Variants in MID2 observed in about 807,000 individuals in gnomAD.
MID2 encodes the protein midline 2, also known as probable E3 ubiquitin-protein ligase MID2.
Under a neutral mutation model 46.1 loss-of-function variants are expected in MID2, and 13 were observed. The ratio of observed to expected loss-of-function variants is 0.28; its 90% CI spans 0.18 to 0.45. The LOEUF is 0.45. Ranked by LOEUF, MID2 falls within the 20% of genes least tolerant of loss-of-function variation. MID2 has a pLI of 1.00. For missense variants in MID2, 431 were observed against 575.4 expected (o/e 0.75, Z 2.57); for synonymous variants, 199 against 212.3 (o/e 0.94, Z 0.55).
intron 3 of MID2, among the ~76,000 whole-genome samples, chrX:107,885,038 G>A (rs1051157645): frequency 1.8e-5 from 2 of 110,997 alleles, no homozygotes; most frequent in Non-Finnish European, 1.9e-5. Flanking sequence ...CCAGATTTTT[G>A]GAATTTCCCA....
At chrX:107,921,089 C>T (rs1933062512) in intron 7 of MID2, among the ~76,000 whole-genome samples, 1 of 111,649 alleles carries the variant, frequency 9.0e-6, no homozygotes, top group African/African-American at 3.2e-5. Flanking sequence ...CAATATTGTC[C>T]TTTATAGTTT....
At chrX:107,859,946 G>A (rs1455092831) in intron 3 of MID2, among the ~76,000 whole-genome samples, 4 of 111,935 alleles carry the variant, frequency 3.6e-5, no homozygotes, top group African/African-American at 6.5e-5. Flanking sequence ...ATGTATAGGT[G>A]TTTAGACTTT....
At chrX:107,906,870 G>A (rs188067481) in intron 5 of MID2, among the ~76,000 whole-genome samples, 163 of 112,684 alleles carry the variant, frequency 1.4e-3, no homozygotes, top group African/African-American at 5.1e-3. Flanking sequence ...ACAGGCGTGA[G>A]CCACTGCCCT....
chrX:107,879,062 GC>G (rs1569466496), intron 3 of MID2, among the ~76,000 whole-genome samples: 1 of 111,199 alleles, frequency 9.0e-6, no homozygotes, highest in Non-Finnish European at 1.9e-5. Flanking sequence ...GCTTTTGGGT[GC>G]TGGCAGGAGC....
intron 3 of MID2, among the ~76,000 whole-genome samples, chrX:107,897,294 C>T (rs925576298): frequency 9.9e-5 from 11 of 111,554 alleles, no homozygotes; most frequent in Admixed American, 9.6e-4. Flanking sequence ...TAATCCCTCA[C>T]CCCTTCCCTG....
intron 2 of MID2, among the ~76,000 whole-genome samples, chrX:107,853,509 A>T (rs1931676010): frequency 9.0e-6 from 1 of 110,731 alleles, no homozygotes; most frequent in African/African-American, 3.3e-5. Context: ...TGTGCTGCCC[A>T]AGCTGGTCTT....
intron 3 of MID2, among the ~76,000 whole-genome samples, chrX:107,857,349 C>T (rs1278965572): frequency 2.8e-5 from 3 of 107,319 alleles, no homozygotes; most frequent in East Asian, 2.9e-4. Context: ...GGCACAATCT[C>T]GGCTCACTGC....
chrX:107,893,164 CAG>C (rs1932640446), intron 3 of MID2, among the ~76,000 whole-genome samples: 1 of 112,390 alleles, frequency 8.9e-6, no homozygotes, highest in Non-Finnish European at 1.9e-5. Context: ...TTCTGAAAAA[CAG>C]TGCTATTATT....
intron 3 of MID2, among the ~76,000 whole-genome samples, chrX:107,884,002 A>G (rs1449652628): frequency 2.7e-5 from 3 of 112,772 alleles, no homozygotes; most frequent in African/African-American, 6.4e-5. Context: ...GATTAGATTA[A>G]GAAGAATGAT....
At chrX:107,851,679 C>A (rs1182743753) in intron 2 of MID2, among the ~76,000 whole-genome samples, 1 of 109,895 alleles carries the variant, frequency 9.1e-6, no homozygotes, top group African/African-American at 3.3e-5. Flanking sequence ...ACAACAACAA[C>A]AAAAACAAAC....
At chrX:107,852,117 C>G (rs1276283032) in intron 2 of MID2, among the ~76,000 whole-genome samples, 3 of 111,437 alleles carry the variant, frequency 2.7e-5, no homozygotes, top group Non-Finnish European at 5.6e-5. Context: ...GTCTTGAACT[C>G]CTGACCTCAG....
At chrX:107,900,517 C>T (rs1932786750) in intron 3 of MID2, among the ~76,000 whole-genome samples, 1 of 111,246 alleles carries the variant, frequency 9.0e-6, no homozygotes, top group Admixed American at 9.6e-5. Context: ...CTCAGGTTTA[C>T]TATTACCCTC....
At chrX:107,912,126 C>T (rs1457177023) in intron 5 of MID2, among the ~76,000 whole-genome samples, 3 of 111,645 alleles carry the variant, frequency 2.7e-5, no homozygotes, top group African/African-American at 9.8e-5. Context: ...GCTTCCTGAT[C>T]TAGCTTTCTC....
At chrX:107,884,833 C>T (rs781680863) in intron 3 of MID2, among the ~76,000 whole-genome samples, 125 of 111,476 alleles carry the variant, frequency 1.1e-3, no homozygotes, top group Non-Finnish European at 1.1e-3. Context: ...CTCTCTAGAT[C>T]TCAGTTTCCT....
At chrX:107,905,324 T>C (rs1932826701) in intron 4 of MID2, among the ~76,000 whole-genome samples, 154 bp from the exon 5 acceptor site, 1 of 110,819 alleles carries the variant, frequency 9.0e-6, no homozygotes, top group Non-Finnish European at 1.9e-5. Flanking sequence ...GTGGGTAGGG[T>C]GAGAAGGTGA....
At chrX:107,906,193 C>A (rs1225059496) in intron 5 of MID2, among the ~76,000 whole-genome samples, 12 of 111,675 alleles carry the variant, frequency 1.1e-4, no homozygotes, top group Admixed American at 9.5e-4. Flanking sequence ...GGCAAAAAAA[C>A]CAGGGTCTAA....
At chrX:107,894,888 C>T (rs1051283904) in intron 3 of MID2, 15 of 61,963 alleles carry the variant, frequency 2.4e-4, no homozygotes, top group Non-Finnish European at 4.8e-4. Context: ...AGAGAGAGAA[C>T]GCCAGTTGAG....
intron 2 of MID2, among the ~76,000 whole-genome samples, chrX:107,848,059 C>T (rs1931530042): frequency 9.0e-6 from 1 of 111,422 alleles, no homozygotes; most frequent in South Asian, 3.8e-4. Context: ...AAAATTTAGG[C>T]TTTACCAGTG....
intron 3 of MID2, among the ~76,000 whole-genome samples, chrX:107,855,159 C>A (rs747404158): frequency 5.4e-5 from 6 of 111,403 alleles, no homozygotes; most frequent in African/African-American, 2.0e-4. Flanking sequence ...GCCTCTCCCC[C>A]TCTTCATCCC....
Sources: gnomAD v4.1 joint callset for allele counts (sites outside exome capture counted in the v4.1 genomes callset) on GRCh38, gnomAD v4.1.1 for gene constraint, MANE v1.5 for transcripts, NCBI Gene and HGNC (gene_info 2026-07-23, HGNC 2026-07-21) for gene names.